The following ZBTB44 variants were observed in gnomAD, a reference collection of about 807,000 sequenced individuals.
The protein encoded by ZBTB44 is zinc finger and BTB domain containing 44, also known as zinc finger and BTB domain-containing protein 44.
A neutral mutation model predicts 54.0 loss-of-function variants in ZBTB44; 15 were observed. That is an observed-to-expected ratio of 0.28 (90% confidence interval 0.19 to 0.43). The LOEUF (loss-of-function observed/expected upper bound fraction) is 0.43, where lower values mean the gene tolerates loss of function less well. Among genes scored for constraint, ZBTB44 ranks in the 20% least tolerant of loss-of-function variants. The pLI is 1.00. For synonymous variants in ZBTB44, 230 were observed against 250.1 expected, an observed-to-expected ratio of 0.92 and a Z score of 0.76; for missense variants, 487 against 707.1, an observed-to-expected ratio of 0.69 and a Z score of 3.53.
intron 2 of ZBTB44, among the ~76,000 whole-genome samples, chr11:130,240,746 C>G (rs1433584759): frequency 6.6e-6 from 1 of 152,188 alleles, no homozygotes; most frequent in Non-Finnish European, 1.5e-5. Context: ...CATTCTCTCA[C>G]TTTTAAAAGT....
chr11:130,251,088 C>T (rs867361713), intron 2 of ZBTB44, among the ~76,000 whole-genome samples: 5 of 152,080 alleles, frequency 3.3e-5, no homozygotes, highest in East Asian at 1.9e-4. Flanking sequence ...AACCCGTTTA[C>T]GGAAGAACAT....
At chr11:130,292,172 T>C (rs1379551888) in intron 1 of ZBTB44, among the ~76,000 whole-genome samples, 1 of 152,254 alleles carries the variant, frequency 6.6e-6, no homozygotes, top group Non-Finnish European at 1.5e-5. Flanking sequence ...TAATTGTTGA[T>C]AGACTTGAGT....
chr11:130,261,817 T>G lies in ZBTB44; in HGVS notation c.57A>C (p.Gly19=), dbSNP rs368232082. 110 of 1,613,780 alleles carry G rather than the reference T, an allele frequency of 6.8e-5. No individual in the cohort carries two copies. Among genetic ancestry groups the G allele is most frequent in the Non-Finnish European group, 9.0e-5 (106 of 1,179,800 alleles). ...CATCATTTCGCAGCATATTTAGCTT[T>G]CCAAGCATTTCCTGGCTGTGGGAAG... ...SSSSHSQEML[G]KLNMLRNDGH... Residue 19 remains glycine, a synonymous_variant, in exon 2 of 8, where the codon GGA becomes GGC. Coordinates refer to ENST00000357899, the MANE Select transcript of ZBTB44 (RefSeq NM_001301098.2). This position sits in a 1 kb window ranked among gnomAD's most constrained non-coding sequence, Gnocchi z 4.8.
chr11:130,314,867 C>G lies in ZBTB44; in HGVS notation c.-549G>C, dbSNP rs1334806834. 2 of 152,050 alleles carry G rather than the reference C, an allele frequency of 1.3e-5. No homozygotes were observed. 9.4% of individuals were successfully genotyped at this position (152,050 alleles called of 1,614,324 possible). A position where few individuals can be genotyped will look rare whatever the true frequency, so the allele number is the denominator to read the frequency against. ...GTGCGGCCGGCGCCGCCGCCGTTGCCGCTCCGCTCACTCCAGCCTGTTTGG... is the reference window on the plus strand; with the variant it reads ...GTGCGGCCGGCGCCGCCGCCGTTGCGGCTCCGCTCACTCCAGCCTGTTTGG... On this transcript the variant is annotated 5_prime_UTR_variant, in exon 1 of 8. Coordinates refer to ENST00000357899, the MANE Select transcript of ZBTB44 (RefSeq NM_001301098.2).
chr11:130,243,753 A>C (rs1485815575), intron 2 of ZBTB44, among the ~76,000 whole-genome samples: 1 of 152,198 alleles, frequency 6.6e-6, no homozygotes, highest in Non-Finnish European at 1.5e-5. Context: ...AAAATACTAA[A>C]TTCTTTTCTA....
intron 2 of ZBTB44, among the ~76,000 whole-genome samples, chr11:130,247,821 T>G (rs1003779377): frequency 1.3e-5 from 2 of 152,218 alleles, no homozygotes; most frequent in African/African-American, 4.8e-5. Flanking sequence ...TTACAGTGGT[T>G]TGCCTAGGAG....
chr11:130,307,189 C>A (rs1458999183), intron 1 of ZBTB44, among the ~76,000 whole-genome samples: 3 of 151,964 alleles, frequency 2.0e-5, no homozygotes, highest in African/African-American at 7.3e-5. Context: ...CTTTGGGAGG[C>A]CAAGGTGGGC....
intron 1 of ZBTB44, among the ~76,000 whole-genome samples, chr11:130,294,765 A>C (rs1161448760): frequency 6.6e-6 from 1 of 152,150 alleles, no homozygotes; most frequent in African/African-American, 2.4e-5. Flanking sequence ...TAATCAGAGT[A>C]CTTAAGGGAT....
intron 1 of ZBTB44, among the ~76,000 whole-genome samples, chr11:130,281,567 T>G (rs1190983495): frequency 2.9e-5 from 4 of 140,058 alleles, no homozygotes; most frequent in Non-Finnish European, 4.7e-5. Flanking sequence ...AAATAAATAT[T>G]TTAAAAAGTA....
chr11:130,240,041 A>ATTTTTTTT, intron 2 of ZBTB44, 145 bp from the exon 3 acceptor site: 1 of 321,410 alleles, frequency 3.1e-6, no homozygotes. Flanking sequence ...AGTGTTCTAC[A>ATTTTTTTT]TTTTTTTTTT....
At chr11:130,284,620 GCACTT>G (rs1940796887) in intron 1 of ZBTB44, among the ~76,000 whole-genome samples, 2 of 152,110 alleles carry the variant, frequency 1.3e-5, no homozygotes, top group African/African-American at 4.8e-5. Context: ...TGTAATTCCA[GCACTT>G]TGGGAGGCTG....
chr11:130,268,735 C>A (rs937306681), intron 1 of ZBTB44, among the ~76,000 whole-genome samples: 6 of 151,858 alleles, frequency 4.0e-5, no homozygotes, highest in Non-Finnish European at 5.9e-5. Context: ...CCAGACACTA[C>A]ACCTGGCTAA....
intron 1 of ZBTB44, among the ~76,000 whole-genome samples, chr11:130,307,317 T>G (rs1182681283): frequency 6.6e-6 from 1 of 151,256 alleles, no homozygotes; most frequent in Non-Finnish European, 1.5e-5. Context: ...CCCAGCTGCT[T>G]GGGAGGCTGA....
At chr11:130,264,555 T>C (rs1296104386) in intron 1 of ZBTB44, among the ~76,000 whole-genome samples, 2 of 152,312 alleles carry the variant, frequency 1.3e-5, no homozygotes, top group Admixed American at 6.5e-5. Context: ...AGAAATAAAA[T>C]GGCTCATGAG....
In ZBTB44 at chr11:130,236,103, A is replaced by T. The variant is rs887108391; in HGVS notation, c.1568+690T>A. 14 of 1,278,766 alleles carry T rather than the reference A, an allele frequency of 1.1e-5. No homozygotes were observed. In the Admixed American group the frequency reaches 3.3e-4, roughly 30 times the overall value. 79.2% of individuals were successfully genotyped at this position (1,278,766 alleles called of 1,614,324 possible). A position where few individuals can be genotyped will look rare whatever the true frequency, so the allele number is the denominator to read the frequency against. On this transcript the variant is annotated intron_variant, in intron 5 of 7. Transcript: ENST00000357899. ...GAAGGCCTTAGAAACCATCGTTTAAAGCTTACATTTTATCTTTCTCTAAGT... is the reference window on the plus strand; with the variant it reads ...GAAGGCCTTAGAAACCATCGTTTAATGCTTACATTTTATCTTTCTCTAAGT...
chr11:130,293,879 T>C (rs1941464650), intron 1 of ZBTB44, among the ~76,000 whole-genome samples: 1 of 152,236 alleles, frequency 6.6e-6, no homozygotes. Context: ...CATTTTACTC[T>C]ATGAATAAGC....
chr11:130,297,528 G>C (rs1941723872), intron 1 of ZBTB44, among the ~76,000 whole-genome samples: 1 of 152,156 alleles, frequency 6.6e-6, no homozygotes, highest in South Asian at 2.1e-4. Flanking sequence ...CCTCAGAATG[G>C]GACCTTATTT....
rs1313625254 is a variant in ZBTB44, at chr11:130,227,820, G to C, written c.*3944C>G. On this transcript the variant is annotated 3_prime_UTR_variant, in exon 8 of 8. Coordinates refer to ENST00000357899, the MANE Select transcript of ZBTB44 (RefSeq NM_001301098.2). ...ATCTGTGTCCTTTAACCAAACAACA[G>C]TTTCTTCTATCACTTAATTCTGGTC... 1 of 151,970 alleles carries C rather than the reference G, an allele frequency of 6.6e-6. No individual in the cohort carries two copies. Among genetic ancestry groups the C allele is most frequent in the East Asian group, 1.9e-4 (1 of 5,198 alleles). The allele number at this position is 151,970 out of a possible 1,614,324, so 9.4% of individuals were successfully genotyped here.
At chr11:130,253,955 C>A (rs536154884) in intron 2 of ZBTB44, among the ~76,000 whole-genome samples, 1 of 152,236 alleles carries the variant, frequency 6.6e-6, no homozygotes, top group African/African-American at 2.4e-5. Flanking sequence ...CTGACAAAAA[C>A]AAGAAATGGG....
Sources: allele counts gnomAD v4.1 joint callset (sites outside exome capture counted in the v4.1 genomes callset), GRCh38; gene constraint gnomAD v4.1.1; non-coding constraint Gnocchi (gnomAD v3.1); transcripts MANE v1.5; gene names NCBI Gene and HGNC (gene_info 2026-07-23, HGNC 2026-07-21).